RPS6KA5: variants seen among roughly 807,000 people sequenced by gnomAD.
The protein encoded by RPS6KA5 is ribosomal protein S6 kinase alpha-5.
RPS6KA5 carries 27 observed loss-of-function variants against 85.5 expected under a neutral mutation model. The ratio of observed to expected loss-of-function variants is 0.32; its 90% confidence interval spans 0.23 to 0.44. The LOEUF (loss-of-function observed/expected upper bound fraction) is 0.44. RPS6KA5 is among the 20% of genes least tolerant of loss of function. The pLI, the probability that RPS6KA5 is intolerant of heterozygous loss-of-function variation, is 1.00. For synonymous variants in RPS6KA5, 334 were observed against 348.2 expected (o/e 0.96, Z 0.46); for missense variants, 811 against 980.9 (o/e 0.83, Z 2.31).
At chr14:90,931,093 C>G (rs1057262724) in intron 5 of RPS6KA5, among the ~76,000 whole-genome samples, 2 of 152,180 alleles carry the variant, frequency 1.3e-5, no homozygotes, top group African/African-American at 2.4e-5. Context: ...TGCACAACCA[C>G]GTTCACTGTA....
chr14:90,985,677 C>G (rs916954108), intron 2 of RPS6KA5, among the ~76,000 whole-genome samples: 3 of 152,204 alleles, frequency 2.0e-5, no homozygotes, highest in Non-Finnish European at 1.5e-5. Context: ...GTGACTTATA[C>G]TTAGCCAGCT....
intron 2 of RPS6KA5, among the ~76,000 whole-genome samples, chr14:90,985,546 A>C (rs920887426): frequency 6.6e-6 from 1 of 152,240 alleles, no homozygotes; most frequent in African/African-American, 2.4e-5. Context: ...TTGTTAATGC[A>C]GCTTAAAATT....
chr14:90,906,750 TG>T (rs1485387863), intron 7 of RPS6KA5, among the ~76,000 whole-genome samples: 29 of 152,146 alleles, frequency 1.9e-4, no homozygotes, highest in Non-Finnish European at 4.0e-4. Flanking sequence ...CCTCTTCCCC[TG>T]AGTGCCAGCA....
intron 5 of RPS6KA5, among the ~76,000 whole-genome samples, chr14:90,941,243 T>C (rs540372236): frequency 6.6e-6 from 1 of 152,288 alleles, no homozygotes; most frequent in Admixed American, 6.5e-5. Flanking sequence ...GTGGCATCAT[T>C]ACAAACATGC....
intron 14 of RPS6KA5, among the ~76,000 whole-genome samples, chr14:90,887,947 A>G (rs2034329562): frequency 1.6e-5 from 1 of 62,298 alleles, no homozygotes; most frequent in South Asian, 4.7e-4. Context: ...GGCTATCGCA[A>G]AAAAAAAAAA....
chr14:90,951,748 G>A (rs895382998), intron 3 of RPS6KA5, among the ~76,000 whole-genome samples: 9 of 152,028 alleles, frequency 5.9e-5, no homozygotes, highest in Admixed American at 1.3e-4. Flanking sequence ...GGTTCCGCTC[G>A]TTCTTTCCCT....
chr14:91,025,041 A>C (rs970986838), intron 1 of RPS6KA5, among the ~76,000 whole-genome samples: 9 of 151,292 alleles, frequency 5.9e-5, no homozygotes, highest in African/African-American at 2.2e-4. Context: ...TCACCATGCC[A>C]GTCTAACTTT....
intron 2 of RPS6KA5, among the ~76,000 whole-genome samples, chr14:90,994,688 C>T (rs1225723033): frequency 6.7e-6 from 1 of 148,748 alleles, no homozygotes; most frequent in Non-Finnish European, 1.5e-5. Context: ...TCTCCTGTCT[C>T]AGCCTCCCAA....
intron 15 of RPS6KA5, among the ~76,000 whole-genome samples, chr14:90,874,952 G>T (rs1038620417): frequency 1.9e-4 from 29 of 152,086 alleles, no homozygotes; most frequent in Non-Finnish European, 3.4e-4. Flanking sequence ...AAAAAGTATT[G>T]GTTTGTTTTA....
intron 1 of RPS6KA5, among the ~76,000 whole-genome samples, chr14:91,055,534 C>A (rs541292637): frequency 1.3e-5 from 2 of 152,318 alleles, no homozygotes; most frequent in African/African-American, 4.8e-5. Context: ...AATCTCAGTA[C>A]TTTGGGAGGC....
intron 2 of RPS6KA5, among the ~76,000 whole-genome samples, chr14:90,996,118 A>G (rs775148845): frequency 3.6e-4 from 54 of 151,778 alleles, no homozygotes; most frequent in Non-Finnish European, 5.9e-4. Context: ...CTCAAGAGAT[A>G]TTCCTACCTC....
intron 5 of RPS6KA5, among the ~76,000 whole-genome samples, chr14:90,939,952 A>G (rs1235296979): frequency 2.6e-5 from 4 of 152,250 alleles, no homozygotes; most frequent in Non-Finnish European, 4.4e-5. Context: ...GCTAATCAAA[A>G]TAGAAATGGT....
chr14:90,960,494 A>G (rs1274459594), intron 3 of RPS6KA5, among the ~76,000 whole-genome samples: 1 of 152,196 alleles, frequency 6.6e-6, no homozygotes, highest in Non-Finnish European at 1.5e-5. Context: ...TGACATCTGA[A>G]AGGAGGAGTC....
intron 9 of RPS6KA5, among the ~76,000 whole-genome samples, chr14:90,901,825 C>T (rs539165312): frequency 2.6e-5 from 4 of 152,014 alleles, no homozygotes; most frequent in African/African-American, 9.7e-5. Context: ...CTTTTTTTAA[C>T]AGCAGTTAAG....
chr14:91,053,624 C>T (rs949018575), intron 1 of RPS6KA5, among the ~76,000 whole-genome samples: 1 of 152,110 alleles, frequency 6.6e-6, no homozygotes, highest in Non-Finnish European at 1.5e-5. Context: ...TAATAAAATA[C>T]TTAGAAATAA....
chr14:91,033,459 G>A (rs990745647), intron 1 of RPS6KA5, among the ~76,000 whole-genome samples: 3 of 152,024 alleles, frequency 2.0e-5, no homozygotes, highest in Non-Finnish European at 4.4e-5. Context: ...AAAATTAGCT[G>A]GGTGTGGTGG....
chr14:90,911,497 T>A (rs1206434986), intron 7 of RPS6KA5: 2 of 152,216 alleles, frequency 1.3e-5, no homozygotes, highest in African/African-American at 4.8e-5. Flanking sequence ...TCCCATGTGG[T>A]CCCAGAATTA....
chr14:90,903,957 T>TA lies in RPS6KA5; in HGVS notation c.958-989_958-988insT, dbSNP rs1238355590. 2.0e-5 allele frequency among the ~76,000 whole-genome samples: 3 copies of TA among 151,944 alleles called. No homozygotes were observed. The East Asian group carries it at 5.8e-4, about 29-fold the overall frequency. On this transcript the variant is annotated intron_variant, in intron 8 of 16. Coordinates refer to ENST00000614987, the MANE Select transcript of RPS6KA5 (RefSeq NM_004755.4). The stretch of plus-strand genomic sequence containing the variant: ...TTAATCAACTACCATAAATTTTTTT[T>TA]TTTTTTTGAGACGGAGTCTCGCTCT...
intron 1 of RPS6KA5, among the ~76,000 whole-genome samples, chr14:91,059,666 T>C (rs1159339923): frequency 6.6e-6 from 1 of 152,216 alleles, no homozygotes; most frequent in Non-Finnish European, 1.5e-5. Context: ...TCCTTTTACC[T>C]GGAGCTTTAA....
Sources: allele counts gnomAD v4.1 joint callset (sites outside exome capture counted in the v4.1 genomes callset), GRCh38; gene constraint gnomAD v4.1.1; transcripts MANE v1.5; gene names NCBI Gene and HGNC (gene_info 2026-07-23, HGNC 2026-07-21).